Variants in HECW2 observed in about 807,000 individuals in gnomAD.
HECW2 encodes E3 ubiquitin-protein ligase HECW2.
A neutral mutation model predicts 175.2 loss-of-function variants in HECW2; 61 were observed. The ratio of observed to expected loss-of-function variants is 0.35; its 90% CI spans 0.28 to 0.43. The LOEUF (loss-of-function observed/expected upper bound fraction) is 0.43. HECW2 is among the 20% of genes least tolerant of loss of function. HECW2 has a pLI of 1.00. For synonymous variants in HECW2, 671 were observed against 731.0 expected, an observed-to-expected ratio of 0.92 and a Z score of 1.32; for missense variants, 1,524 against 2,000.5, an observed-to-expected ratio of 0.76 and a Z score of 4.54.
At chr2:196,591,551 A>C (rs559475870) in intron 1 of HECW2, among the ~76,000 whole-genome samples, 19 of 152,358 alleles carry the variant, frequency 1.2e-4, no homozygotes, top group Admixed American at 3.9e-4. Context: ...TGTTCAACAA[A>C]AAGAAAAATT....
intron 19 of HECW2, among the ~76,000 whole-genome samples, chr2:196,244,916 G>C (rs1688592219): frequency 6.6e-6 from 1 of 152,232 alleles, no homozygotes; most frequent in South Asian, 2.1e-4. Context: ...GCAGTGAACA[G>C]TGCCTTTATA....
chr2:196,275,098 C>T (rs1689893749), intron 15 of HECW2, among the ~76,000 whole-genome samples: 1 of 152,132 alleles, frequency 6.6e-6, no homozygotes, highest in African/African-American at 2.4e-5. Flanking sequence ...GAAATATCCT[C>T]CCCACCCTCC....
chr2:196,352,569 C>T (rs998365888), intron 2 of HECW2, among the ~76,000 whole-genome samples: 2 of 144,184 alleles, frequency 1.4e-5, no homozygotes, highest in African/African-American at 5.7e-5. Flanking sequence ...GCTGTATCCT[C>T]TATAGCAGGG....
chr2:196,548,794 G>T lies in HECW2; in HGVS notation c.-36+44714C>A, dbSNP rs557098532. Among the ~76,000 whole-genome samples the T allele has an allele frequency of 2.6e-5, 4 of 152,264 alleles. No individual in the cohort carries two copies. In the East Asian group the frequency reaches 7.7e-4, roughly 29 times the overall value. Reference sequence around the variant, plus strand: ...GTTCCTTCTTGGGGCTGTGAGGGAAGAATCTGTTCTACCCTCACCTTGGCT... The same window carrying T: ...GTTCCTTCTTGGGGCTGTGAGGGAATAATCTGTTCTACCCTCACCTTGGCT... On this transcript the variant is annotated intron_variant, in intron 1 of 28. Transcript: ENST00000644978.
intron 18 of HECW2, among the ~76,000 whole-genome samples, chr2:196,256,897 T>C (rs773792182): frequency 6.6e-6 from 1 of 152,234 alleles, no homozygotes; most frequent in African/African-American, 2.4e-5. Flanking sequence ...TGAGTTATGC[T>C]TTGACTACAC....
chr2:196,299,797 C>T (rs11887620), intron 13 of HECW2, among the ~76,000 whole-genome samples: 31,916 of 151,804 alleles, frequency 0.21, 3,639 homozygotes, highest in Middle Eastern at 0.28. Context: ...GGCGTGGTGG[C>T]GGGCATCTTT....
intron 2 of HECW2, among the ~76,000 whole-genome samples, chr2:196,372,695 T>A (rs1693941063): frequency 6.6e-6 from 1 of 152,248 alleles, no homozygotes; most frequent in South Asian, 2.1e-4. Flanking sequence ...AACTATTAAG[T>A]GTCCAAATTT....
At chr2:196,280,235 T>C (rs1375680700) in intron 14 of HECW2, among the ~76,000 whole-genome samples, 1 of 152,114 alleles carries the variant, frequency 6.6e-6, no homozygotes, top group East Asian at 1.9e-4. Context: ...GTATGCCAAA[T>C]AACAGGCAAA....
At chr2:196,506,507 C>A (rs115414440) in intron 1 of HECW2, among the ~76,000 whole-genome samples, 2,189 of 151,968 alleles carry the variant, frequency 0.014, 46 homozygotes, top group African/African-American at 0.051. Flanking sequence ...TTCTTCCCAC[C>A]CCTGCCCCTT....
At chr2:196,382,251 G>A (rs751643243) in intron 2 of HECW2, among the ~76,000 whole-genome samples, 1 of 151,266 alleles carries the variant, frequency 6.6e-6, no homozygotes. Context: ...ATATATACAT[G>A]TGTGGAATAT....
At chr2:196,379,401 C>A (rs7423722) in intron 2 of HECW2, among the ~76,000 whole-genome samples, 109,879 of 152,044 alleles carry the variant, frequency 0.72, 41,869 homozygotes, top group East Asian at 0.86. Flanking sequence ...ATTATGGCAA[C>A]TTGGCTGGGC....
At chr2:196,275,041 C>T (rs1021023280) in intron 15 of HECW2, among the ~76,000 whole-genome samples, 1 of 152,200 alleles carries the variant, frequency 6.6e-6, no homozygotes, top group Non-Finnish European at 1.5e-5. Flanking sequence ...TATCATGTTG[C>T]ATCACTTGGG....
intron 14 of HECW2, chr2:196,288,158 C>T (rs1376870081): frequency 6.6e-6 from 1 of 152,144 alleles, no homozygotes; most frequent in African/African-American, 2.4e-5. Context: ...TGGCTTTACC[C>T]AGGAAGTACA....
chr2:196,387,295 T>G (rs771807777), intron 2 of HECW2, among the ~76,000 whole-genome samples: 13 of 152,128 alleles, frequency 8.5e-5, no homozygotes, highest in Non-Finnish European at 1.8e-4. Flanking sequence ...AAATCCCCAA[T>G]GCAATATTAT....
At chr2:196,270,974 G>A (rs566849521) in intron 17 of HECW2, among the ~76,000 whole-genome samples, 6 of 152,192 alleles carry the variant, frequency 3.9e-5, no homozygotes, top group East Asian at 1.9e-4. Context: ...GATTACAGGC[G>A]TGAGTCGCCG....
At chr2:196,272,814 C>A (rs1169901080) in intron 16 of HECW2, among the ~76,000 whole-genome samples, 4 of 151,930 alleles carry the variant, frequency 2.6e-5, no homozygotes, top group Non-Finnish European at 5.9e-5. Context: ...AGCTCAGAGC[C>A]CACATAACTG....
Position 196,322,630 on chromosome 2 carries a change from C to T in HECW2, c.742-10G>A, listed in dbSNP as rs563223795. On this transcript the variant is annotated splice_polypyrimidine_tract_variant and intron_variant, in intron 6 of 28. Coordinates refer to ENST00000644978, the MANE Select transcript of HECW2 (RefSeq NM_001348768.2). ...CAAAAAAGGAATATTTCTGAAAACA[C>T]AAACAGATAACATGCTGGTTTAAAA... 4 of 1,606,452 alleles carry T rather than the reference C, an allele frequency of 2.5e-6. No individual in the cohort carries two copies. The highest frequency in any genetic ancestry group is 3.3e-5 in the Admixed American group (2 of 59,716).
At chr2:196,265,940 A>G (rs916383980) in intron 17 of HECW2, among the ~76,000 whole-genome samples, 1 of 152,186 alleles carries the variant, frequency 6.6e-6, no homozygotes, top group African/African-American at 2.4e-5. Context: ...GCTATACTCA[A>G]CTACCTTCTA....
At chr2:196,206,993 G>T (rs1445243629) in intron 28 of HECW2, among the ~76,000 whole-genome samples, 1 of 152,172 alleles carries the variant, frequency 6.6e-6, no homozygotes, top group Non-Finnish European at 1.5e-5. Context: ...GGTTTTCTCT[G>T]AATCAACAAC....
Sources: allele counts gnomAD v4.1 joint callset (sites outside exome capture counted in the v4.1 genomes callset), GRCh38; gene constraint gnomAD v4.1.1; transcripts MANE v1.5; gene names NCBI Gene and HGNC (gene_info 2026-07-23, HGNC 2026-07-21).